The following CEACAM3 variants were observed in gnomAD, a reference collection of about 807,000 sequenced individuals.
CEACAM3 encodes CEA cell adhesion molecule 3.
A neutral mutation model predicts 30.1 loss-of-function variants in CEACAM3; 32 were observed. That is an observed-to-expected ratio of 1.06 (90% confidence interval 0.80 to 1.43). The LOEUF is 1.43. CEACAM3 is among the 40% of genes most tolerant of loss of function. CEACAM3 has a pLI of 0.00. For missense variants in CEACAM3, 290 were observed against 316.3 expected (o/e 0.92, Z 0.63); for synonymous variants, 134 against 127.2 (o/e 1.05, Z -0.36).
At chr19:41,811,097 G>C in intron 6 of CEACAM3, 75 bp from the exon 7 acceptor site, 1 of 1,524,972 alleles carries the variant, frequency 6.6e-7, no homozygotes, top group Non-Finnish European at 9.1e-7. Flanking sequence ...CCCTGGATGG[G>C]CCCAGAGCCT....
chr19:41,806,005 T>TTG (rs1427910440), intron 2 of CEACAM3, among the ~76,000 whole-genome samples: 2,251 of 43,436 alleles, frequency 0.052, 49 homozygotes, highest in South Asian at 0.08. Flanking sequence ...GTTGTTGTTG[T>TTG]TTGTTGTTGT....
chr19:41,804,501 C>A (rs1460027040), intron 2 of CEACAM3, among the ~76,000 whole-genome samples: 1 of 152,180 alleles, frequency 6.6e-6, no homozygotes. Flanking sequence ...GAGGTGAGGG[C>A]TCTTTTGACA....
At chr19:41,810,117 C>CG (rs1555827390) in intron 4 of CEACAM3, 100 bp downstream of exon 4, 1 of 1,371,010 alleles carries the variant, frequency 7.3e-7, no homozygotes, top group Non-Finnish European at 1.0e-6. Context: ...GATCCTTTCC[C>CG]GGGGGCTGCA....
At chr19:41,808,056 C>T (rs1410783408) in intron 2 of CEACAM3, among the ~76,000 whole-genome samples, 2 of 152,210 alleles carry the variant, frequency 1.3e-5, no homozygotes, top group African/African-American at 4.8e-5. Context: ...AGCATAGGCC[C>T]TGAGCCCTGG....
At chr19:41,798,969 C>T (rs2073125521) in intron 2 of CEACAM3, among the ~76,000 whole-genome samples, 1 of 152,238 alleles carries the variant, frequency 6.6e-6, no homozygotes, top group African/African-American at 2.4e-5. Flanking sequence ...GCCTCTTCTC[C>T]ACCAGGGGAC....
rs561432911 is a variant in CEACAM3 at position 41,797,948 on chromosome 19, C to A, written c.424C>A (p.Gln142Lys). Residue 142 changes from glutamine to lysine, a missense_variant and splice_region_variant, in exon 2 of 7, where the codon CAA becomes AAA. Gln to Lys is a moderately conservative substitution (Grantham distance 53). Transcript: ENST00000357396. ...EEATGQFHVYQENAPGLPVGA... is the reference protein window; with the variant it reads ...EEATGQFHVYKENAPGLPVGA... ...AGCAACTGGACAGTTCCATGTATACCGTGAGTATTTCCACATGACCTCTGG... is the reference window on the plus strand; with the variant it reads ...AGCAACTGGACAGTTCCATGTATACAGTGAGTATTTCCACATGACCTCTGG... 6.9e-6 allele frequency: 11 copies of A among 1,593,902 alleles called. No individual in the cohort carries two copies. The South Asian group carries it at 1.0e-4, about 15-fold the overall frequency.
At chr19:41,799,156 G>A (rs1555825703) in intron 2 of CEACAM3, among the ~76,000 whole-genome samples, 1 of 152,202 alleles carries the variant, frequency 6.6e-6, no homozygotes, top group Non-Finnish European at 1.5e-5. Flanking sequence ...CAAATCTCAT[G>A]TTGAAATGTG....
At chr19:41,803,744 G>GAA (rs2073175350) in intron 2 of CEACAM3, among the ~76,000 whole-genome samples, 1 of 85,302 alleles carries the variant, frequency 1.2e-5, no homozygotes, top group Non-Finnish European at 3.4e-5. Flanking sequence ...GGGATTACAG[G>GAA]CATGAGCCAC....
intron 2 of CEACAM3, among the ~76,000 whole-genome samples, chr19:41,802,890 A>G (rs2073163487): frequency 6.6e-6 from 1 of 152,140 alleles, no homozygotes; most frequent in South Asian, 2.1e-4. Context: ...GGGCAAAAAT[A>G]CAGAGAGTCA....
intron 2 of CEACAM3, among the ~76,000 whole-genome samples, chr19:41,800,168 G>A (rs1174088469): frequency 9.9e-5 from 15 of 152,018 alleles, no homozygotes; most frequent in Admixed American, 9.2e-4. Context: ...AATAATCCTC[G>A]CTCTATAATC....
Position 41,808,894 on chromosome 19 carries a change from C to A in CEACAM3, c.506C>A (p.Ala169Glu), listed in dbSNP as rs782766786. ...CTGGTCGGAGTGGCGCTGGTGGCCG[C>A]GCTGGTGTGTTTCCTGCTCCTTGCC... ...GVLVGVALVAALVCFLLLAKT... is the reference protein window; with the variant it reads ...GVLVGVALVAELVCFLLLAKT... The change falls in exon 3 of 7, where the codon GCG becomes GAG. Residue 169 changes from alanine to glutamate, a missense_variant. Physicochemically the swap from Ala to Glu is moderately radical, Grantham distance 107. Coordinates refer to ENST00000357396, the MANE Select transcript of CEACAM3 (RefSeq NM_001815.5). The A allele has an allele frequency of 3.1e-6, 5 of 1,606,740 alleles. No homozygotes were observed. The African/African-American group carries it at 6.7e-5, about 22-fold the overall frequency.
chr19:41,804,296 G>T (rs1009403582), intron 2 of CEACAM3, among the ~76,000 whole-genome samples: 1 of 152,116 alleles, frequency 6.6e-6, no homozygotes, highest in Non-Finnish European at 1.5e-5. Context: ...CCCTCATGAT[G>T]ATGCCATTAT....
chr19:41,797,974 G>A (rs1459967812), intron 2 of CEACAM3, 26 bp downstream of exon 2: 44 of 1,574,684 alleles, frequency 2.8e-5, no homozygotes, highest in Non-Finnish European at 3.5e-5. Context: ...TGACCTCTGG[G>A]TGTTGGGGGT....
intron 3 of CEACAM3, 153 bp from the exon 4 acceptor site, chr19:41,809,812 C>A: frequency 1.4e-6 from 1 of 729,116 alleles, no homozygotes; most frequent in Non-Finnish European, 2.4e-6. Context: ...CCTCAACTCC[C>A]CTCTGCTGGG....
In CEACAM3 at chr19:41,797,817, G is replaced by A. The variant is rs782329916; in HGVS notation, c.293G>A (p.Arg98Gln). The A allele has an allele frequency of 3.9e-5, 63 of 1,612,854 alleles. No homozygotes were observed. The highest frequency in any genetic ancestry group is 1.1e-4 in the East Asian group (5 of 44,886). ...ACCCCAGGGGCCGCATACAGCGGTC[G>A]AGAGACAATATACACCAATGCATCC... ...QATPGAAYSGRETIYTNASLL... is the reference protein window; with the variant it reads ...QATPGAAYSGQETIYTNASLL... Residue 98 changes from arginine to glutamine, a missense_variant, in exon 2 of 7, where the codon CGA becomes CAA. By Grantham distance (43) the Arg-to-Gln change is conservative. Coordinates refer to ENST00000357396, the MANE Select transcript of CEACAM3 (RefSeq NM_001815.5).
At position 41,811,387 on chromosome 19, in the gene CEACAM3, C is replaced by T; in HGVS notation, c.*150C>T. The T allele has an allele frequency of 1.5e-6, 1 of 677,824 alleles. No homozygotes were observed. Among genetic ancestry groups the T allele is most frequent in the South Asian group, 1.7e-5 (1 of 59,652 alleles). 42.0% of individuals were successfully genotyped at this position (677,824 alleles called of 1,614,324 possible). ...CTGGGGGCAGGGAGGGATGGGGGTC[C>T]CTGATGAATATCTGGAGACCTCGAC... On this transcript the variant is annotated 3_prime_UTR_variant, in exon 7 of 7. Transcript: ENST00000357396.
chr19:41,802,515 C>T (rs557266431), intron 2 of CEACAM3, among the ~76,000 whole-genome samples: 2 of 152,284 alleles, frequency 1.3e-5, no homozygotes, highest in East Asian at 3.9e-4. Context: ...GAAATCTGAA[C>T]TGTAACTGAC....
chr19:41,803,458 G>T (rs1200932468), intron 2 of CEACAM3, among the ~76,000 whole-genome samples: 51,528 of 123,796 alleles, frequency 0.42, 13,174 homozygotes, highest in Middle Eastern at 0.6. Context: ...GTGTGTGTGT[G>T]TTGTTTTGTT....
At chr19:41,806,978 C>T (rs2073206075) in intron 2 of CEACAM3, 2 of 1,499,906 alleles carry the variant, frequency 1.3e-6, no homozygotes, top group Non-Finnish European at 1.8e-6. Context: ...TGAGCCACCG[C>T]ACCCGGCCTT....
Sources: allele counts gnomAD v4.1 joint callset (sites outside exome capture counted in the v4.1 genomes callset), GRCh38; gene constraint gnomAD v4.1.1; transcripts MANE v1.5; gene names NCBI Gene and HGNC (gene_info 2026-07-23, HGNC 2026-07-21).